The following MRTFB variants were observed in gnomAD, a reference collection of about 807,000 sequenced individuals.
MRTFB encodes the protein myocardin-related transcription factor B.
Under a neutral mutation model 104.2 loss-of-function variants are expected in MRTFB, and 29 were observed. That is an observed-to-expected ratio of 0.28 (90% CI 0.21 to 0.38). The LOEUF is 0.38. Ranked by LOEUF, MRTFB falls within the 10% of genes least tolerant of loss-of-function variation. The pLI is 1.00. For synonymous variants in MRTFB, 535 were observed against 519.5 expected, an observed-to-expected ratio of 1.03 and a Z score of -0.41; for missense variants, 1,270 against 1,341.6, an observed-to-expected ratio of 0.95 and a Z score of 0.83.
At chr16:14,157,680 A>G (rs754722948) in intron 3 of MRTFB, among the ~76,000 whole-genome samples, 20 of 152,234 alleles carry the variant, frequency 1.3e-4, no homozygotes, top group Non-Finnish European at 2.5e-4. Context: ...TCTACAGCAG[A>G]TAGATGCAGC....
At chr16:14,091,536 C>A (rs1409142698) in intron 2 of MRTFB, among the ~76,000 whole-genome samples, 1 of 152,122 alleles carries the variant, frequency 6.6e-6, no homozygotes, top group African/African-American at 2.4e-5. Flanking sequence ...GCTCCCCGGC[C>A]AGGCACTGGG....
At chr16:14,186,644 G>T (rs2039963248) in intron 3 of MRTFB, 1 of 1,213,366 alleles carries the variant, frequency 8.2e-7, no homozygotes, top group Non-Finnish European at 1.0e-6. Context: ...AAAGGGGTGG[G>T]ATTTTAGAAT....
At chr16:14,085,096 T>C (rs2034618763) in intron 2 of MRTFB, among the ~76,000 whole-genome samples, 1 of 152,144 alleles carries the variant, frequency 6.6e-6, no homozygotes, top group Non-Finnish European at 1.5e-5. Flanking sequence ...CTTGACAATA[T>C]AGCAAGATCT....
the MRTFB span, among the ~76,000 whole-genome samples, chr16:14,000,124 G>T: frequency 3.9e-5 from 6 of 152,174 alleles, no homozygotes; most frequent in Non-Finnish European, 7.3e-5. Flanking sequence ...GAGAGAGGCG[G>T]CTCTAAGCCT....
chr16:14,178,734 A>T (rs1244081444), intron 3 of MRTFB, among the ~76,000 whole-genome samples: 1 of 151,964 alleles, frequency 6.6e-6, no homozygotes, highest in Non-Finnish European at 1.5e-5. Context: ...TATGGGGGGC[A>T]GGGGAGGTTT....
At chr16:14,080,344 AATTT>A (rs1304981886) in intron 2 of MRTFB, among the ~76,000 whole-genome samples, 2 of 152,110 alleles carry the variant, frequency 1.3e-5, no homozygotes, top group African/African-American at 2.4e-5. Flanking sequence ...CTTTTTTCCA[AATTT>A]ATTTATTTAT....
At chr16:14,167,046 A>T (rs1015358963) in intron 3 of MRTFB, among the ~76,000 whole-genome samples, 2 of 152,222 alleles carry the variant, frequency 1.3e-5, no homozygotes, top group Non-Finnish European at 2.9e-5. Flanking sequence ...TGCTAGGTCA[A>T]ATGGTATTTC....
chr16:14,218,834 G>T lies in MRTFB; in HGVS notation c.529G>T (p.Asp177Tyr). The T allele has an allele frequency of 6.2e-7, 1 of 1,601,462 alleles. No homozygotes were observed. Among genetic ancestry groups the T allele is most frequent in the Non-Finnish European group, 8.5e-7 (1 of 1,172,940 alleles). The change falls in exon 8 of 17, where the codon GAC becomes TAC. Residue 177 changes from aspartate (D) to tyrosine (Y), a missense_variant. Asp to Tyr is a radical substitution (Grantham distance 160). Around this residue, in one of 3 missense-constraint regions of MRTFB, gnomAD observed 1,144 missense variants for 1,131.5 expected, o/e 1.01. Transcript: ENST00000571589. ...KEAIIGVGKEDYPHTQGDFSF... is the reference protein window; with the variant it reads ...KEAIIGVGKEYYPHTQGDFSF... ...TCTTTCTTTAGGCGTTGGGAAGGAG[G>T]ACTATCCCCACACTCAGGGCGATTT...
chr16:14,190,607 C>G (rs1396364086), intron 3 of MRTFB, among the ~76,000 whole-genome samples: 1 of 152,158 alleles, frequency 6.6e-6, no homozygotes, highest in African/African-American at 2.4e-5. Flanking sequence ...AAAGGACTCT[C>G]TAATGGTGAA....
the MRTFB span, among the ~76,000 whole-genome samples, chr16:14,037,991 G>A: frequency 6.6e-6 from 1 of 152,278 alleles, no homozygotes; most frequent in Non-Finnish European, 1.5e-5. Context: ...AGTATGTTGG[G>A]TATGTTATGG....
the MRTFB span, among the ~76,000 whole-genome samples, chr16:14,036,904 T>C: frequency 0.57 from 86,072 of 151,848 alleles, 25,234 homozygotes; most frequent in Middle Eastern, 0.69. Context: ...CTTTTCATTA[T>C]TTCTACTGAG....
At chr16:14,238,313 A>T (rs1391780744) in intron 9 of MRTFB, among the ~76,000 whole-genome samples, 3 of 152,152 alleles carry the variant, frequency 2.0e-5, no homozygotes, top group Admixed American at 2.0e-4. Context: ...AGGTTTTGCC[A>T]GGTGTCTATG....
chr16:14,008,042 C>T, the MRTFB span, among the ~76,000 whole-genome samples: 15,646 of 151,956 alleles, frequency 0.1, 922 homozygotes, highest in African/African-American at 0.14. Context: ...ACTTTTTTGA[C>T]GTCTTTGAAG....
chr16:14,233,987 C>T (rs944037692), intron 8 of MRTFB, among the ~76,000 whole-genome samples, 159 bp from the exon 9 acceptor site: 4 of 152,182 alleles, frequency 2.6e-5, no homozygotes, highest in East Asian at 3.8e-4. Flanking sequence ...AGGCGTAAAG[C>T]ATGTTATTCC....
chr16:14,009,890 T>A, the MRTFB span: 3 of 152,160 alleles, frequency 2.0e-5, no homozygotes, highest in Non-Finnish European at 4.4e-5. Context: ...TCAAGCTACC[T>A]AGCATTTGCC....
At chr16:14,092,018 A>G (rs938448995) in intron 2 of MRTFB, among the ~76,000 whole-genome samples, 1 of 150,308 alleles carries the variant, frequency 6.7e-6, no homozygotes, top group East Asian at 1.9e-4. Flanking sequence ...AAAAAAAAAA[A>G]AAAGAATGCC....
At chr16:14,140,489 G>T in intron 2 of MRTFB, 55 bp from the exon 3 acceptor site, 1 of 1,300,392 alleles carries the variant, frequency 7.7e-7, no homozygotes, top group Non-Finnish European at 1.1e-6. Flanking sequence ...ATACTTTTGT[G>T]CAAATTGGAG....
At chr16:14,084,761 T>C (rs1756468229) in intron 2 of MRTFB, among the ~76,000 whole-genome samples, 1 of 152,258 alleles carries the variant, frequency 6.6e-6, no homozygotes, top group Admixed American at 6.5e-5. Flanking sequence ...GTTTCTGATA[T>C]GAGTGTGATC....
rs752641140 is a variant in MRTFB, at chr16:14,261,386, C to T, written c.3242C>T (p.Pro1081Leu). The change falls in exon 17 of 17, where the codon CCG becomes CTG. Residue 1081 changes from proline (P) to leucine (L), a missense_variant. Transcript: ENST00000571589. ...SGLTPLSTTA[P>L]SMFSADFLDP... is the part of the protein sequence containing the mutation. ...CTCACTCCTCTCAGCACCACCGCGC[C>T]GAGCATGTTCTCTGCTGACTTTCTA... 6.8e-6 allele frequency: 11 copies of T among 1,613,680 alleles called. No homozygotes were observed. Among genetic ancestry groups the T allele is most frequent in the South Asian group, 4.4e-5 (4 of 91,032 alleles).
Sources: allele counts gnomAD v4.1 joint callset (sites outside exome capture counted in the v4.1 genomes callset), GRCh38; gene constraint gnomAD v4.1.1; regional missense constraint gnomAD v4.1.1; transcripts MANE v1.5; gene names NCBI Gene and HGNC (gene_info 2026-07-23, HGNC 2026-07-21).